The following SPAG6 variants were observed in gnomAD, a reference collection of about 807,000 sequenced individuals.
SPAG6 encodes sperm-associated antigen 6.
Under a neutral mutation model 58.5 loss-of-function variants are expected in SPAG6, and 49 were observed. That is an observed-to-expected ratio of 0.84 (90% CI 0.67 to 1.06). The LOEUF (loss-of-function observed/expected upper bound fraction) is 1.06, where lower values mean the gene tolerates loss of function less well. Ranked by LOEUF, SPAG6 falls within the 50% of genes least tolerant of loss-of-function variation. The pLI, the probability that SPAG6 is intolerant of heterozygous loss-of-function variation, is 0.00. For synonymous variants in SPAG6, 233 were observed against 225.6 expected (o/e 1.03, Z -0.29); for missense variants, 560 against 611.3 (o/e 0.92, Z 0.89).
At chr10:22,362,358 G>A (rs1837069803) in intron 2 of SPAG6, among the ~76,000 whole-genome samples, 1 of 151,458 alleles carries the variant, frequency 6.6e-6, no homozygotes. Flanking sequence ...CATTTATTAT[G>A]AAACTTTAAA....
At chr10:22,394,208 C>T (rs1257671653) in intron 8 of SPAG6, among the ~76,000 whole-genome samples, 1 of 152,080 alleles carries the variant, frequency 6.6e-6, no homozygotes, top group African/African-American at 2.4e-5. Context: ...TATTTGCTCC[C>T]ATGTTATTCC....
chr10:22,416,536 C>T, intron 10 of SPAG6, 83 bp from the exon 11 acceptor site: 1 of 804,272 alleles, frequency 1.2e-6, no homozygotes, highest in Non-Finnish European at 2.2e-6. Flanking sequence ...AGGATTATTT[C>T]AGATAAATCC....
intron 4 of SPAG6, among the ~76,000 whole-genome samples, chr10:22,380,027 C>T (rs1020847081): frequency 1.3e-5 from 2 of 152,142 alleles, no homozygotes; most frequent in African/African-American, 4.8e-5. Context: ...CCCCTGGATG[C>T]AAGCAGTCCT....
chr10:22,349,838 G>A (rs527323905), intron 2 of SPAG6, among the ~76,000 whole-genome samples: 1 of 152,240 alleles, frequency 6.6e-6, no homozygotes, highest in African/African-American at 2.4e-5. Flanking sequence ...AAGAAAATAA[G>A]TCAAATATGC....
At chr10:22,405,935 A>G (rs950833714) in intron 9 of SPAG6, among the ~76,000 whole-genome samples, 4 of 152,184 alleles carry the variant, frequency 2.6e-5, no homozygotes, top group South Asian at 4.2e-4. Context: ...AGAGGTGTTT[A>G]TAGTATTCTC....
chr10:22,416,133 C>G (rs1834859441), intron 10 of SPAG6, among the ~76,000 whole-genome samples: 1 of 151,934 alleles, frequency 6.6e-6, no homozygotes, highest in African/African-American at 2.4e-5. Context: ...AATTATACTT[C>G]CAGAAATTTT....
intron 4 of SPAG6, among the ~76,000 whole-genome samples, chr10:22,376,605 A>G (rs1238608745): frequency 6.6e-6 from 1 of 152,136 alleles, no homozygotes. Flanking sequence ...ATACCAGTAT[A>G]CATACATGCA....
At chr10:22,410,457 G>C (rs1042986256) in intron 9 of SPAG6, among the ~76,000 whole-genome samples, 1 of 152,184 alleles carries the variant, frequency 6.6e-6, no homozygotes, top group Non-Finnish European at 1.5e-5. Context: ...TAAGGGGATA[G>C]GGGCTTCCAG....
rs1837148667 is a variant in SPAG6, at chr10:22,364,874, CTCT to C, written c.150_152del (p.Leu51del). On this transcript the variant is annotated inframe_deletion, in exon 3 of 11. Coordinates refer to ENST00000376624, the MANE Select transcript of SPAG6 (RefSeq NM_012443.4). ...TCAGGTGTAATGTCTTTGCTGAGAA[CTCT>C]TCTTCTGGACGTGGTCCCAACAATT... 6 of 1,609,672 alleles carry C rather than the reference CTCT, an allele frequency of 3.7e-6. 1 individual carries two copies. In the Admixed American group the frequency reaches 6.8e-5, roughly 18 times the overall value.
At chr10:22,371,955 T>G (rs1029188701) in intron 4 of SPAG6, among the ~76,000 whole-genome samples, 2 of 152,152 alleles carry the variant, frequency 1.3e-5, no homozygotes, top group South Asian at 2.1e-4. Flanking sequence ...TTAAGTTTTA[T>G]GATTGAATCA....
chr10:22,391,565 A>G (rs1834184344), intron 7 of SPAG6, among the ~76,000 whole-genome samples, 164 bp from the exon 8 acceptor site: 1 of 152,154 alleles, frequency 6.6e-6, no homozygotes, highest in African/African-American at 2.4e-5. Flanking sequence ...TAGTCATGTT[A>G]TTGACTTAAG....
intron 2 of SPAG6, among the ~76,000 whole-genome samples, chr10:22,355,323 AT>A (rs1836838178): frequency 6.6e-6 from 1 of 152,204 alleles, no homozygotes; most frequent in Non-Finnish European, 1.5e-5. Context: ...GGGAAATGCT[AT>A]ATAAGTGTTT....
At chr10:22,410,739 TAGGGAGCA>T (rs1834711259) in intron 9 of SPAG6, among the ~76,000 whole-genome samples, 1 of 152,186 alleles carries the variant, frequency 6.6e-6, no homozygotes, top group Non-Finnish European at 1.5e-5. Context: ...TTTAAATTCT[TAGGGAGCA>T]AAGAGACCTT....
chr10:22,347,853 A>G (rs577274094), intron 2 of SPAG6, among the ~76,000 whole-genome samples: 2 of 152,320 alleles, frequency 1.3e-5, no homozygotes, highest in South Asian at 4.1e-4. Flanking sequence ...TCTTTTCCTG[A>G]GGGACTTATT....
In SPAG6 at chr10:22,402,247, T is replaced by C. The variant is rs532139675; in HGVS notation, c.1314+970T>C. 2.8e-4 allele frequency among the ~76,000 whole-genome samples: 42 copies of C among 151,976 alleles called. No homozygotes were observed. In the South Asian group the frequency reaches 8.3e-3, roughly 30 times the overall value. On this transcript the variant is annotated intron_variant, in intron 9 of 10. Coordinates refer to ENST00000376624, the MANE Select transcript of SPAG6 (RefSeq NM_012443.4). Reference sequence around the variant, plus strand: ...CAACCAAAGAGTTGTATTTAAGAAATAAAACATGCAAGCGGGTCAGGCTAA... The same window carrying C: ...CAACCAAAGAGTTGTATTTAAGAAACAAAACATGCAAGCGGGTCAGGCTAA...
chr10:22,371,026 A>G (rs534847016), intron 4 of SPAG6, among the ~76,000 whole-genome samples: 90 of 152,248 alleles, frequency 5.9e-4, no homozygotes, highest in Non-Finnish European at 1.2e-3. Flanking sequence ...CATAAACAGG[A>G]TCTGTCTTAG....
intron 9 of SPAG6, among the ~76,000 whole-genome samples, chr10:22,406,676 C>G (rs1381869435): frequency 6.6e-6 from 1 of 152,080 alleles, no homozygotes; most frequent in African/African-American, 2.4e-5. Context: ...GTGCTGAGTT[C>G]AATTCCTGGG....
chr10:22,410,152 C>T (rs554197049), intron 9 of SPAG6, among the ~76,000 whole-genome samples: 12 of 152,206 alleles, frequency 7.9e-5, no homozygotes, highest in Middle Eastern at 3.4e-3. Flanking sequence ...TGATTCCTTA[C>T]GTTTCTGATC....
At chr10:22,406,038 A>C (rs934442304) in intron 9 of SPAG6, among the ~76,000 whole-genome samples, 4 of 150,682 alleles carry the variant, frequency 2.7e-5, no homozygotes, top group African/African-American at 4.9e-5. Flanking sequence ...TTTTTTCTTT[A>C]TTAGTCTTGC....
Sources: gnomAD v4.1 joint callset for allele counts (sites outside exome capture counted in the v4.1 genomes callset) on GRCh38, gnomAD v4.1.1 for gene constraint, MANE v1.5 for transcripts, NCBI Gene and HGNC (gene_info 2026-07-23, HGNC 2026-07-21) for gene names.